Variants in EMG1 observed in about 807,000 individuals in gnomAD.
EMG1 encodes the protein ribosomal RNA small subunit methyltransferase NEP1.
In EMG1, 24 loss-of-function variants were observed where a neutral mutation model predicts 26.9. The ratio of observed to expected loss-of-function variants is 0.89; its 90% CI spans 0.65 to 1.26. The LOEUF is 1.26. Among genes scored for constraint, EMG1 ranks in the 50% most tolerant of loss-of-function variants. The pLI is 0.00. For missense variants in EMG1, 299 were observed against 307.6 expected (o/e 0.97, Z 0.21); for synonymous variants, 140 against 112.6 (o/e 1.24, Z -1.54).
Position 6,978,521 on chromosome 12 carries a change from G to A in EMG1, c.*2712G>A, listed in dbSNP as rs782334187. ...GCATACTCCTTCCTGAGAGGGAATA[G>A]CTCAGTTAGGGCTCTTGCCACTCCC... is the stretch of plus-strand genomic sequence containing the variant. On this transcript the variant is annotated 3_prime_UTR_variant, in exon 6 of 6. Transcript: ENST00000599672. 8 of 1,611,970 alleles carry A rather than the reference G, an allele frequency of 5.0e-6. No individual in the cohort carries two copies. Among genetic ancestry groups the A allele is most frequent in the Middle Eastern group, 1.7e-4 (1 of 6,054 alleles).
Position 6,996,372 on chromosome 12 carries a change from C to T in EMG1, c.*212-853C>T, listed in dbSNP as rs76624188. On this transcript the variant is annotated intron_variant and NMD_transcript_variant, in intron 7 of 7. Coordinates refer to the EMG1 transcript ENST00000607161. ...TGTATACAACACTACCCCTCCCCAC[C>T]CTGTAACCCTCCCCCATCACACACT... 2.3e-3 allele frequency among the ~76,000 whole-genome samples: 348 copies of T among 152,286 alleles called. 2 individuals carry two copies. Among genetic ancestry groups the T allele is most frequent in the African/African-American group, 7.4e-3 (309 of 41,552 alleles).
At chr12:6,974,963 C>T (rs373689650) in intron 3 of EMG1, 127 bp from the exon 4 acceptor site, 13 of 998,338 alleles carry the variant, frequency 1.3e-5, no homozygotes, top group East Asian at 7.5e-5. Flanking sequence ...CCTAACATTT[C>T]AGGAGTCCAG....
At chr12:6,981,682 G>T, downstream of EMG1, 1 of 1,283,060 alleles carries the variant, frequency 7.8e-7, no homozygotes, top group Non-Finnish European at 1.1e-6. Context: ...GGACACTGAG[G>T]ATGTGGCCTG....
chr12:6,983,091 T>G, downstream of EMG1: 1 of 521,858 alleles, frequency 1.9e-6, no homozygotes, highest in South Asian at 1.7e-5. Context: ...CACACCCAGC[T>G]TGTTACTGTA....
chr12:6,985,991 T>C (rs888397041), intron 6 of EMG1, among the ~76,000 whole-genome samples: 1 of 151,962 alleles, frequency 6.6e-6, no homozygotes, highest in African/African-American at 2.4e-5. Flanking sequence ...GCCAGGCTGG[T>C]CTCGAACTCC....
chr12:6,991,216 T>G (rs1375226535), downstream of EMG1, among the ~76,000 whole-genome samples: 1 of 152,206 alleles, frequency 6.6e-6, no homozygotes, highest in African/African-American at 2.4e-5. Context: ...GGTTAAAATA[T>G]ACAAAGAAAA....
rs782682495 is a variant in EMG1, at chr12:6,975,936, A to G, written c.*127A>G. On this transcript the variant is annotated 3_prime_UTR_variant, in exon 6 of 6. Coordinates refer to ENST00000599672, the MANE Select transcript of EMG1 (RefSeq NM_006331.8). ...TGGAGTTTGGGGAAGCCAAGGCTGT[A>G]CATTTGCTATTTGTTTATCCTATGA... 7 of 657,870 alleles carry G rather than the reference A, an allele frequency of 1.1e-5. No homozygotes were observed. In the South Asian group the frequency reaches 1.1e-4, roughly 10 times the overall value. 40.8% of individuals were successfully genotyped at this position (657,870 alleles called of 1,614,324 possible).
At chr12:6,986,082 G>GT (rs1332493923) in intron 6 of EMG1, among the ~76,000 whole-genome samples, 83 of 148,874 alleles carry the variant, frequency 5.6e-4, no homozygotes, top group African/African-American at 1.2e-3. Flanking sequence ...GCCAACTGGT[G>GT]TTTTTTTTTT....
chr12:6,995,786 C>T (rs1946631453), intron 7 of EMG1, among the ~76,000 whole-genome samples: 2 of 152,168 alleles, frequency 1.3e-5, no homozygotes, highest in Admixed American at 6.6e-5. Flanking sequence ...GTCAGCAATC[C>T]TGTCTGTTCT....
At chr12:6,986,600 T>A (rs1466026979) in intron 6 of EMG1, among the ~76,000 whole-genome samples, 1 of 151,564 alleles carries the variant, frequency 6.6e-6, no homozygotes, top group African/African-American at 2.4e-5. Flanking sequence ...CTGGCTAACA[T>A]GGTGAAATTC....
downstream of EMG1, among the ~76,000 whole-genome samples, chr12:6,983,692 G>A (rs945908102): frequency 6.6e-6 from 1 of 152,014 alleles, no homozygotes; most frequent in Non-Finnish European, 1.5e-5. Context: ...AGGCAATAAC[G>A]GTATCCCCAA....
downstream of EMG1, chr12:6,988,313 CG>C (rs1946548791): frequency 6.6e-6 from 1 of 152,326 alleles, no homozygotes; most frequent in Admixed American, 6.5e-5. Context: ...AAGACGGTGA[CG>C]GAGAACAGCA....
Position 6,977,028 on chromosome 12 carries a change from C to G in EMG1, c.*1219C>G. On this transcript the variant is annotated 3_prime_UTR_variant, in exon 6 of 6. Coordinates refer to ENST00000599672, the MANE Select transcript of EMG1 (RefSeq NM_006331.8). The surrounding 1 kb of genome is among the most constrained non-coding windows in gnomAD (Gnocchi z 4.5). ...CATACTGTGTTCCTTAGTAGCCAGG[C>G]TAATCCTTGGAATTCACCCCAGATT... 1 of 753,200 alleles carries G rather than the reference C, an allele frequency of 1.3e-6. No individual in the cohort carries two copies. The highest frequency in any genetic ancestry group is 2.3e-6 in the Non-Finnish European group (1 of 430,934). 46.7% of individuals were successfully genotyped at this position (753,200 alleles called of 1,614,324 possible). A position where few individuals can be genotyped will look rare whatever the true frequency, so the allele number is the denominator to read the frequency against.
chr12:6,984,216 T>C (rs1283476840), downstream of EMG1, among the ~76,000 whole-genome samples: 1 of 152,204 alleles, frequency 6.6e-6, no homozygotes, highest in African/African-American at 2.4e-5. Flanking sequence ...CATTTAAGTA[T>C]ACTAAAAAAA....
Position 6,979,464 on chromosome 12 carries a change from C to T in EMG1, c.*3655C>T. 6.3e-7 allele frequency: 1 copy of T among 1,588,378 alleles called. No individual in the cohort carries two copies. ...GTCATGCTGCTGCTGCTTTAGTAGACACTCACGTCATAGTCTTCAGTGAGG... is the reference window on the plus strand; with the variant it reads ...GTCATGCTGCTGCTGCTTTAGTAGATACTCACGTCATAGTCTTCAGTGAGG... On this transcript the variant is annotated 3_prime_UTR_variant, in exon 6 of 6. Transcript: ENST00000599672.
chr12:6,981,277 G>T, downstream of EMG1: 2 of 1,035,448 alleles, frequency 1.9e-6, no homozygotes, highest in East Asian at 2.4e-5. Context: ...CCACTGACTG[G>T]GGTTCTTCAA....
Position 6,987,647 on chromosome 12 carries a change from C to T in EMG1, c.*155-135C>T. 1 of 394,540 alleles carries T rather than the reference C, an allele frequency of 2.5e-6. No individual in the cohort carries two copies. 24.4% of individuals were successfully genotyped at this position (394,540 alleles called of 1,614,324 possible). On this transcript the variant is annotated intron_variant and NMD_transcript_variant, in intron 6 of 7. Coordinates refer to the EMG1 transcript ENST00000261406. The surrounding 1 kb of genome is among the most constrained non-coding windows in gnomAD (Gnocchi z 4.1). ...ACAGTAGATAATTATCTAGAGCACT[C>T]ATAAATAAGTTCTAGGTAGCTAAGT...
chr12:6,977,882 G>T lies in EMG1; in HGVS notation c.*2073G>T. 1 of 1,002,738 alleles carries T rather than the reference G, an allele frequency of 1.0e-6. No individual in the cohort carries two copies. Among genetic ancestry groups the T allele is most frequent in the Admixed American group, 2.2e-5 (1 of 46,176 alleles). The allele number at this position is 1,002,738 out of a possible 1,614,324, so 62.1% of individuals were successfully genotyped here. A position where few individuals can be genotyped will look rare whatever the true frequency, so the allele number is the denominator to read the frequency against. ...CGTGTAGCCCCCAGAGGGTACAGGA[G>T]GCAGTGCTGACTGATTACTTTTAGA... On this transcript the variant is annotated 3_prime_UTR_variant, in exon 6 of 6. Transcript: ENST00000599672. This position sits in a 1 kb window ranked among gnomAD's most constrained non-coding sequence, Gnocchi z 4.5.
chr12:6,982,558 T>C (rs1231350366), downstream of EMG1: 14 of 718,232 alleles, frequency 1.9e-5, no homozygotes, highest in Non-Finnish European at 3.4e-5. Flanking sequence ...TACTGCTAAG[T>C]GCTGGGAGAG....
Sources: allele counts gnomAD v4.1 joint callset (sites outside exome capture counted in the v4.1 genomes callset), GRCh38; gene constraint gnomAD v4.1.1; non-coding constraint Gnocchi (gnomAD v3.1); transcripts MANE v1.5; gene names NCBI Gene and HGNC (gene_info 2026-07-23, HGNC 2026-07-21).